The following PPP5C variants were observed in gnomAD, a reference collection of about 807,000 sequenced individuals.
PPP5C encodes protein phosphatase 5 catalytic subunit.
PPP5C carries 21 observed loss-of-function variants against 66.7 expected under a neutral mutation model. That is an observed-to-expected ratio of 0.31 (90% CI 0.22 to 0.45). PPP5C has a LOEUF of 0.45. PPP5C is among the 20% of genes least tolerant of loss of function. The pLI, the probability that PPP5C is intolerant of heterozygous loss-of-function variation, is 1.00. For synonymous variants in PPP5C, 246 were observed against 257.4 expected (o/e 0.96, Z 0.43); for missense variants, 464 against 675.9 (o/e 0.69, Z 3.48).
rs775769513 is a variant in PPP5C, at chr19:46,390,149, G to GGCCCCT, written c.1437+24_1437+29dup. 7 of 1,612,880 alleles carry GGCCCCT rather than the reference G, an allele frequency of 4.3e-6. No homozygotes were observed. In the Admixed American group the frequency reaches 1.2e-4, roughly 27 times the overall value. ...ACAGCAGTGGTGAGTCACCCCTCAG[G>GGCCCCT]GCCCCTGCCCCTTCCATCCCGGCCT... On this transcript the variant is annotated intron_variant, in intron 12 of 12. Transcript: ENST00000012443.
At chr19:46,352,819 CAAAAA>C (rs5828273) in intron 1 of PPP5C, among the ~76,000 whole-genome samples, 1 of 127,530 alleles carries the variant, frequency 7.8e-6, no homozygotes, top group Admixed American at 8.1e-5. Context: ...GACTCCATCT[CAAAAA>C]AAAAAAAAAA....
intron 9 of PPP5C, 71 bp downstream of exon 9, chr19:46,387,524 G>A: frequency 6.2e-7 from 1 of 1,612,398 alleles, no homozygotes; most frequent in South Asian, 1.1e-5. Flanking sequence ...CTGCAACCCA[G>A]CCCTGCCTCG....
intron 7 of PPP5C, 82 bp from the exon 8 acceptor site, chr19:46,387,011 T>C: frequency 6.3e-7 from 1 of 1,599,006 alleles, no homozygotes; most frequent in Non-Finnish European, 8.5e-7. Flanking sequence ...GCATGCACAG[T>C]TCTGGGCCTT....
chr19:46,357,303 C>A (rs1217752811), intron 2 of PPP5C, among the ~76,000 whole-genome samples: 3 of 152,178 alleles, frequency 2.0e-5, no homozygotes, highest in Non-Finnish European at 4.4e-5. Context: ...CCACCTTAGC[C>A]TCCCAAAGGG....
intron 2 of PPP5C, among the ~76,000 whole-genome samples, chr19:46,360,291 A>G (rs1470835468): frequency 1.3e-5 from 2 of 152,158 alleles, no homozygotes; most frequent in South Asian, 2.1e-4. Context: ...TGGAACATAT[A>G]TTAATGAGAC....
intron 2 of PPP5C, among the ~76,000 whole-genome samples, chr19:46,366,620 G>C (rs555616082): frequency 6.6e-6 from 1 of 152,306 alleles, no homozygotes; most frequent in African/African-American, 2.4e-5. Flanking sequence ...CAGGTGTGAG[G>C]CACCATGCAT....
rs887258553 is a variant in PPP5C, at chr19:46,389,200, C to G, written c.1355+469C>G. Among the ~76,000 whole-genome samples the G allele has an allele frequency of 1.5e-4, 22 of 151,594 alleles. 1 individual carries two copies. Among genetic ancestry groups the G allele is most frequent in the African/African-American group, 5.1e-4 (21 of 41,064 alleles). ...TTAGCAGGGCGTGGTGGCACACACCCGTAATCCCAGCTACTCAGGAGGCTG... is the reference window on the plus strand; with the variant it reads ...TTAGCAGGGCGTGGTGGCACACACCGGTAATCCCAGCTACTCAGGAGGCTG... On this transcript the variant is annotated intron_variant, in intron 11 of 12. Coordinates refer to ENST00000012443, the MANE Select transcript of PPP5C (RefSeq NM_006247.4).
chr19:46,347,277 G>T, intron 1 of PPP5C, 60 bp downstream of exon 1: 12 of 1,524,900 alleles, frequency 7.9e-6, no homozygotes, highest in Non-Finnish European at 6.2e-6. Flanking sequence ...CCGGGCCCGC[G>T]CGGAACCATA....
chr19:46,352,361 C>T (rs1972202391), intron 1 of PPP5C, among the ~76,000 whole-genome samples: 1 of 152,170 alleles, frequency 6.6e-6, no homozygotes. Context: ...ACAGGGGGTT[C>T]CTCAGTAGCC....
chr19:46,390,458 A>T lies in PPP5C; in HGVS notation c.*112A>T, dbSNP rs1972999032. The T allele has an allele frequency of 6.6e-7, 1 of 1,524,900 alleles. No homozygotes were observed. Among genetic ancestry groups the T allele is most frequent in the Non-Finnish European group, 8.8e-7 (1 of 1,134,892 alleles). 94.5% of individuals were successfully genotyped at this position (1,524,900 alleles called of 1,614,324 possible). A position where few individuals can be genotyped will look rare whatever the true frequency, so the allele number is the denominator to read the frequency against. On this transcript the variant is annotated 3_prime_UTR_variant, in exon 13 of 13. Transcript: ENST00000012443. The stretch of plus-strand genomic sequence containing the variant: ...CCAGGGCAATGTTGGACCCCCTTTT[A>T]CTTTGTAAAGTTTGTATTTATTCCC...
chr19:46,353,920 T>C lies in PPP5C; in HGVS notation c.294T>C (p.Gly98=). The C allele has an allele frequency of 6.2e-7, 1 of 1,605,192 alleles. No individual in the cohort carries two copies. ...AGCTGGACAAGAAGTACATCAAGGG[T>C]TATTACCGCCGGGCTGCCAGCAACA... ...AIELDKKYIK[G]YYRRAASNMA... Residue 98 remains glycine, a synonymous_variant, in exon 2 of 13, where the codon GGT becomes GGC. Transcript: ENST00000012443.
Position 46,388,356 on chromosome 19 carries a change from C to T in PPP5C, c.1136-52C>T. ...GGGCCAGGAGGTGGCCTGTGAGTGA[C>T]CACCCCCGGGGAGGTGGACGAGTCC... On this transcript the variant is annotated intron_variant, in intron 9 of 12. Coordinates refer to ENST00000012443, the MANE Select transcript of PPP5C (RefSeq NM_006247.4). This position sits in a 1 kb window ranked among gnomAD's most constrained non-coding sequence, Gnocchi z 4.9. 6.4e-7 allele frequency: 1 copy of T among 1,559,350 alleles called. No individual in the cohort carries two copies. The highest frequency in any genetic ancestry group is 8.7e-7 in the Non-Finnish European group (1 of 1,146,494).
intron 2 of PPP5C, among the ~76,000 whole-genome samples, chr19:46,365,023 C>T (rs369045423): frequency 6.6e-6 from 1 of 152,174 alleles, no homozygotes; most frequent in African/African-American, 2.4e-5. Flanking sequence ...TGCTCTGTCA[C>T]CCAGCCTGGG....
chr19:46,364,660 A>T (rs1972460448), intron 2 of PPP5C, among the ~76,000 whole-genome samples: 1 of 148,586 alleles, frequency 6.7e-6, no homozygotes, highest in Non-Finnish European at 1.5e-5. Flanking sequence ...GGAGTTTCCT[A>T]AAAAAAAAAT....
intron 7 of PPP5C, 174 bp downstream of exon 7, chr19:46,385,083 C>T (rs924217431): frequency 1.5e-5 from 9 of 583,208 alleles, no homozygotes; most frequent in African/African-American, 7.5e-5. Context: ...CACCAAAGGA[C>T]GCGTTTACAT....
intron 2 of PPP5C, among the ~76,000 whole-genome samples, chr19:46,354,311 T>TA (rs145854982): frequency 0.017 from 2,615 of 152,314 alleles, 88 homozygotes; most frequent in African/African-American, 0.06. Context: ...AGTAGACCAG[T>TA]ACTTGGCCCG....
chr19:46,377,818 T>C (rs1319176873), intron 4 of PPP5C, among the ~76,000 whole-genome samples: 1 of 152,244 alleles, frequency 6.6e-6, no homozygotes. Flanking sequence ...ATGGATGTTG[T>C]GTATATCGGT....
intron 2 of PPP5C, among the ~76,000 whole-genome samples, chr19:46,370,764 T>A (rs1032374484): frequency 6.6e-6 from 1 of 152,048 alleles, no homozygotes; most frequent in East Asian, 1.9e-4. Context: ...TTTTTTGAGA[T>A]GGGTCTTGCT....
chr19:46,385,381 C>T (rs1420982337), intron 7 of PPP5C, among the ~76,000 whole-genome samples: 1 of 152,162 alleles, frequency 6.6e-6, no homozygotes, highest in Non-Finnish European at 1.5e-5. Context: ...TGCTGGTTCA[C>T]ACCTGTAATC....
Sources: allele counts gnomAD v4.1 joint callset (sites outside exome capture counted in the v4.1 genomes callset), GRCh38; gene constraint gnomAD v4.1.1; non-coding constraint Gnocchi (gnomAD v3.1); transcripts MANE v1.5; gene names NCBI Gene and HGNC (gene_info 2026-07-23, HGNC 2026-07-21).